The following CALU variants were observed in gnomAD, a reference collection of about 807,000 sequenced individuals.
CALU encodes the protein calumenin.
CALU carries 13 observed loss-of-function variants against 37.5 expected under a neutral mutation model. The ratio of observed to expected loss-of-function variants is 0.35; its 90% CI spans 0.23 to 0.55. The LOEUF (loss-of-function observed/expected upper bound fraction) is 0.55. Ranked by LOEUF, CALU falls within the 20% of genes least tolerant of loss-of-function variation. The pLI, the probability that CALU is intolerant of heterozygous loss-of-function variation, is 0.89. For synonymous variants in CALU, 114 were observed against 133.8 expected, an observed-to-expected ratio of 0.85 and a Z score of 1.02; for missense variants, 282 against 391.7, an observed-to-expected ratio of 0.72 and a Z score of 2.36.
At chr7:128,744,858 A>G (rs1235462595) in intron 1 of CALU, among the ~76,000 whole-genome samples, 1 of 152,066 alleles carries the variant, frequency 6.6e-6, no homozygotes, top group African/African-American at 2.4e-5. Flanking sequence ...GGAAGGAGAA[A>G]TGGGTGAGTG....
At chr7:128,766,510 C>T (rs1801341285) in intron 5 of CALU, among the ~76,000 whole-genome samples, 1 of 148,038 alleles carries the variant, frequency 6.8e-6, no homozygotes, top group South Asian at 2.1e-4. Flanking sequence ...CTCACTGCAA[C>T]CTCTGCCTCC....
At chr7:128,761,448 G>C (rs939691767) in intron 5 of CALU, 1 of 152,170 alleles carries the variant, frequency 6.6e-6, no homozygotes, top group African/African-American at 2.4e-5. Flanking sequence ...GTGACCTCCT[G>C]GGAGCAGAGG....
intron 5 of CALU, among the ~76,000 whole-genome samples, chr7:128,764,111 G>A (rs1801229723): frequency 6.6e-6 from 1 of 152,056 alleles, no homozygotes. Context: ...ATTTAATTAA[G>A]AAATTTAAAC....
intron 2 of CALU, among the ~76,000 whole-genome samples, chr7:128,752,070 C>T (rs1800695787): frequency 6.6e-6 from 1 of 152,082 alleles, no homozygotes; most frequent in Non-Finnish European, 1.5e-5. Context: ...TTCCAGTGTA[C>T]TTACACAACT....
chr7:128,761,756 G>C (rs4559164), intron 5 of CALU, among the ~76,000 whole-genome samples: 45,648 of 152,132 alleles, frequency 0.3, 8,082 homozygotes, highest in Non-Finnish European at 0.41. Context: ...TTGTGTTTCA[G>C]ATAAGCCCGT....
chr7:128,758,495 A>G (rs1293078757), intron 3 of CALU, among the ~76,000 whole-genome samples: 5 of 152,258 alleles, frequency 3.3e-5, no homozygotes. Context: ...AAAAGAGACC[A>G]AGACACAGGC....
At chr7:128,754,852 A>C (rs1345548752) in intron 3 of CALU, 1 of 443,210 alleles carries the variant, frequency 2.3e-6, no homozygotes, top group Non-Finnish European at 4.0e-6. Flanking sequence ...CCCTTTATTA[A>C]TTTTAAATTT....
At chr7:128,757,013 A>C (rs1800909687) in intron 3 of CALU, among the ~76,000 whole-genome samples, 1 of 152,110 alleles carries the variant, frequency 6.6e-6, no homozygotes, top group Non-Finnish European at 1.5e-5. Flanking sequence ...CCAGAGTCCA[A>C]GACTGCATTG....
intron 5 of CALU, among the ~76,000 whole-genome samples, chr7:128,760,702 A>G (rs1176317842): frequency 6.6e-6 from 1 of 152,128 alleles, no homozygotes; most frequent in East Asian, 1.9e-4. Flanking sequence ...AGGTCAGGAG[A>G]TCGAGACCAT....
At chr7:128,757,911 G>GTTT (rs35878534) in intron 3 of CALU, among the ~76,000 whole-genome samples, 2 of 147,452 alleles carry the variant, frequency 1.4e-5, no homozygotes, top group Non-Finnish European at 3.0e-5. Flanking sequence ...TAATCTAAGG[G>GTTT]TTTTTTTTTT....
chr7:128,768,288 A>G (rs537035156), intron 6 of CALU, among the ~76,000 whole-genome samples: 2 of 152,224 alleles, frequency 1.3e-5, no homozygotes, highest in East Asian at 3.9e-4. Flanking sequence ...TCAATTTCAA[A>G]TTCAGTTTTT....
intron 2 of CALU, among the ~76,000 whole-genome samples, chr7:128,752,965 T>C (rs1156738029): frequency 1.3e-5 from 2 of 152,204 alleles, no homozygotes; most frequent in Non-Finnish European, 2.9e-5. Context: ...GCTGAGATTA[T>C]AGGCGTGAGC....
At chr7:128,766,759 A>G (rs62479590) in intron 5 of CALU, among the ~76,000 whole-genome samples, 42,453 of 151,932 alleles carry the variant, frequency 0.28, 6,960 homozygotes, top group Non-Finnish European at 0.38. Flanking sequence ...GCCCATCCAG[A>G]CACTAGTATT....
At chr7:128,757,479 A>G (rs1165485089) in intron 3 of CALU, among the ~76,000 whole-genome samples, 1 of 152,000 alleles carries the variant, frequency 6.6e-6, no homozygotes, top group Non-Finnish European at 1.5e-5. Flanking sequence ...AAAATGCTCA[A>G]CTCTCAAAAT....
At chr7:128,764,547 A>G (rs1166743501) in intron 5 of CALU, among the ~76,000 whole-genome samples, 6 of 152,256 alleles carry the variant, frequency 3.9e-5, no homozygotes, top group Non-Finnish European at 5.9e-5. Flanking sequence ...CGTCTTTCAT[A>G]TGAATAATTT....
At position 128,772,648 on chromosome 7, in the gene CALU, G is replaced by A; in HGVS notation, c.*3481G>A. 6.2e-7 allele frequency: 1 copy of A among 1,614,110 alleles called. No homozygotes were observed. Among genetic ancestry groups the A allele is most frequent in the Non-Finnish European group, 8.5e-7 (1 of 1,179,974 alleles). ...CCTTCCCACACACCATCTTCATGATGCAAGCTTGGAACTGGAGAGAAAGGT... is the reference window on the plus strand; with the variant it reads ...CCTTCCCACACACCATCTTCATGATACAAGCTTGGAACTGGAGAGAAAGGT... On this transcript the variant is annotated 3_prime_UTR_variant, in exon 7 of 7. Coordinates refer to ENST00000249364, the MANE Select transcript of CALU (RefSeq NM_001219.5).
chr7:128,757,453 T>TA (rs1300245838), intron 3 of CALU, among the ~76,000 whole-genome samples: 2 of 151,830 alleles, frequency 1.3e-5, no homozygotes, highest in East Asian at 1.9e-4. Context: ...TGACACTCAA[T>TA]AAAAAATGAA....
intron 6 of CALU, among the ~76,000 whole-genome samples, chr7:128,768,491 AGTT>A (rs1801416348): frequency 6.6e-6 from 1 of 152,124 alleles, no homozygotes; most frequent in African/African-American, 2.4e-5. Context: ...TCTAGCATTG[AGTT>A]GTTGTGTTAT....
chr7:128,748,160 C>T, intron 1 of CALU: 1 of 480,352 alleles, frequency 2.1e-6, no homozygotes, highest in Non-Finnish European at 3.6e-6. Context: ...ATTCTAATAA[C>T]CAGCCATGTT....
Sources: gnomAD v4.1 joint callset for allele counts (sites outside exome capture counted in the v4.1 genomes callset) on GRCh38, gnomAD v4.1.1 for gene constraint, MANE v1.5 for transcripts, NCBI Gene and HGNC (gene_info 2026-07-23, HGNC 2026-07-21) for gene names.